The following MARCHF1 variants were observed in gnomAD, a reference collection of about 807,000 sequenced individuals.
The protein encoded by MARCHF1 is E3 ubiquitin-protein ligase MARCHF1.
In MARCHF1, 40 loss-of-function variants were observed where a neutral mutation model predicts 54.2. That is an observed-to-expected ratio of 0.74 (90% CI 0.57 to 0.96). MARCHF1 has a LOEUF of 0.96. Ranked by LOEUF, MARCHF1 falls within the 40% of genes least tolerant of loss-of-function variation. MARCHF1 has a pLI of 0.00. For synonymous variants in MARCHF1, 236 were observed against 236.3 expected (o/e 1.00, Z 0.01); for missense variants, 586 against 656.5 (o/e 0.89, Z 1.17).
chr4:164,098,707 T>C (rs918042194), intron 2 of MARCHF1, among the ~76,000 whole-genome samples: 1 of 152,224 alleles, frequency 6.6e-6, no homozygotes, highest in Admixed American at 6.5e-5. Flanking sequence ...AGAAGAGAGA[T>C]GTGCTCAGAT....
At chr4:164,286,063 A>G (rs185997068) in intron 1 of MARCHF1, among the ~76,000 whole-genome samples, 30 of 152,312 alleles carry the variant, frequency 2.0e-4, no homozygotes, top group African/African-American at 7.2e-4. Flanking sequence ...GGATCAATAA[A>G]GAAAACACTC....
intron 7 of MARCHF1, among the ~76,000 whole-genome samples, chr4:163,594,987 T>G (rs562757359): frequency 6.6e-6 from 1 of 152,242 alleles, no homozygotes; most frequent in South Asian, 2.1e-4. Flanking sequence ...CAGATAGGTA[T>G]CTGAACTCCC....
At chr4:164,007,944 A>G (rs758883912) in intron 2 of MARCHF1, among the ~76,000 whole-genome samples, 9 of 152,150 alleles carry the variant, frequency 5.9e-5, no homozygotes, top group South Asian at 4.1e-4. Flanking sequence ...ACAGGTAACA[A>G]AACGGCAGGA....
At chr4:164,126,032 A>C (rs1481010790) in intron 1 of MARCHF1, among the ~76,000 whole-genome samples, 1 of 152,220 alleles carries the variant, frequency 6.6e-6, no homozygotes, top group Non-Finnish European at 1.5e-5. Flanking sequence ...AAGTTTGAAG[A>C]AGATCAAGTC....
chr4:163,933,669 C>T (rs1030854071), intron 3 of MARCHF1, among the ~76,000 whole-genome samples: 5 of 152,224 alleles, frequency 3.3e-5, no homozygotes, highest in Non-Finnish European at 4.4e-5. Flanking sequence ...CCATACTCGT[C>T]AGGGTTTCCT....
chr4:164,033,280 T>C (rs2110998405), intron 2 of MARCHF1, among the ~76,000 whole-genome samples: 1 of 151,638 alleles, frequency 6.6e-6, no homozygotes, highest in African/African-American at 2.4e-5. Flanking sequence ...TAGCTCAAGA[T>C]GGATTAAAGA....
intron 4 of MARCHF1, among the ~76,000 whole-genome samples, chr4:163,829,944 AG>A (rs1484490126): frequency 1.3e-5 from 2 of 152,176 alleles, no homozygotes; most frequent in Non-Finnish European, 2.9e-5. Context: ...TTCAAATAGC[AG>A]ATAGATATTA....
rs564134795 is a variant in MARCHF1 at position 164,032,826 on chromosome 4, A to T, written c.-247-44117T>A. Among the ~76,000 whole-genome samples the T allele has an allele frequency of 2.6e-5, 4 of 152,246 alleles. No individual in the cohort carries two copies. In the South Asian group the frequency reaches 6.2e-4, roughly 24 times the overall value. On this transcript the variant is annotated intron_variant, in intron 2 of 9. Coordinates refer to ENST00000514618, the MANE Select transcript of MARCHF1 (RefSeq NM_001394959.1). ...CTACCTTAAAATTCATATGGGACCGAAAAAGAGCCTGCAAAGCCAAGACAA... is the reference window on the plus strand; with the variant it reads ...CTACCTTAAAATTCATATGGGACCGTAAAAGAGCCTGCAAAGCCAAGACAA...
rs149434838 is a variant in MARCHF1 at position 163,754,023 on chromosome 4, T to C, written c.112-53160A>G. On this transcript the variant is annotated intron_variant, in intron 4 of 9. Coordinates refer to ENST00000514618, the MANE Select transcript of MARCHF1 (RefSeq NM_001394959.1). ...CAGTAAGACTCTTGGTTGCAAGGGA[T>C]GAAAAAGAATTCATTGACTCATGAC... Among the ~76,000 whole-genome samples, 44 of 152,302 alleles carry C rather than the reference T, an allele frequency of 2.9e-4. 1 individual carries two copies. The highest frequency in any genetic ancestry group is 2.7e-3 in the Admixed American group (42 of 15,302).
chr4:164,096,621 ATATG>A (rs1755419538), intron 2 of MARCHF1, among the ~76,000 whole-genome samples: 1 of 152,092 alleles, frequency 6.6e-6, no homozygotes, highest in Non-Finnish European at 1.5e-5. Flanking sequence ...TTTGTAAGGA[ATATG>A]TAAGAGCAAA....
At chr4:164,318,081 C>T (rs1474331607) in intron 1 of MARCHF1, among the ~76,000 whole-genome samples, 5 of 151,998 alleles carry the variant, frequency 3.3e-5, no homozygotes, top group African/African-American at 4.8e-5. Flanking sequence ...TTTTGTCTAC[C>T]TCAGGCTCCT....
chr4:164,043,581 C>T (rs552918048), intron 2 of MARCHF1, among the ~76,000 whole-genome samples: 49 of 152,040 alleles, frequency 3.2e-4, no homozygotes, highest in Non-Finnish European at 5.6e-4. Context: ...CTGTAAAGGT[C>T]CTTGAATTCT....
At chr4:164,067,717 A>C (rs2111082736) in intron 2 of MARCHF1, among the ~76,000 whole-genome samples, 1 of 152,336 alleles carries the variant, frequency 6.6e-6, no homozygotes, top group Non-Finnish European at 1.5e-5. Context: ...AAAAAAAACC[A>C]AAAATTGATA....
intron 1 of MARCHF1, among the ~76,000 whole-genome samples, chr4:164,118,353 T>G (rs1384039402): frequency 6.6e-6 from 1 of 151,138 alleles, no homozygotes; most frequent in Non-Finnish European, 1.5e-5. Flanking sequence ...AAATTAAAAC[T>G]GACCACAGAT....
chr4:164,081,726 G>GCA (rs1207030254), intron 2 of MARCHF1, among the ~76,000 whole-genome samples: 5 of 143,042 alleles, frequency 3.5e-5, no homozygotes, highest in South Asian at 2.1e-4. Flanking sequence ...ACACACACAT[G>GCA]CACACACACA....
chr4:164,319,190 T>C (rs1235263769), intron 1 of MARCHF1, among the ~76,000 whole-genome samples: 4 of 152,256 alleles, frequency 2.6e-5, no homozygotes, highest in African/African-American at 9.6e-5. Flanking sequence ...CCCTAAACCA[T>C]ATAACACAGC....
chr4:163,767,098 T>TAAAA (rs530799338), intron 4 of MARCHF1, among the ~76,000 whole-genome samples: 3 of 106,694 alleles, frequency 2.8e-5, no homozygotes, highest in African/African-American at 7.1e-5. Flanking sequence ...TACGGCGATG[T>TAAAA]AAAAAAAAAA....
intron 4 of MARCHF1, among the ~76,000 whole-genome samples, chr4:163,791,333 AGTATTAC>A (rs1162238259): frequency 6.6e-6 from 1 of 152,164 alleles, no homozygotes; most frequent in Non-Finnish European, 1.5e-5. Context: ...ACACACATAT[AGTATTAC>A]TAAAATCTAA....
intron 5 of MARCHF1, among the ~76,000 whole-genome samples, chr4:163,643,200 C>A (rs866231602): frequency 1.3e-5 from 2 of 150,322 alleles, no homozygotes; most frequent in Non-Finnish European, 3.0e-5. Context: ...TAGTGGTGCA[C>A]GTCTGTAATC....
Sources: allele counts gnomAD v4.1 joint callset (sites outside exome capture counted in the v4.1 genomes callset), GRCh38; gene constraint gnomAD v4.1.1; transcripts MANE v1.5; gene names NCBI Gene and HGNC (gene_info 2026-07-23, HGNC 2026-07-21).